The following TRMT11 variants were observed in gnomAD, a reference collection of about 807,000 sequenced individuals.
The protein encoded by TRMT11 is tRNA methyltransferase 11.
Under a neutral mutation model 62.8 loss-of-function variants are expected in TRMT11, and 53 were observed. The ratio of observed to expected loss-of-function variants is 0.84; its 90% confidence interval spans 0.68 to 1.06. The LOEUF is 1.06. TRMT11 is among the 50% of genes least tolerant of loss of function. The pLI is 0.00. For missense variants in TRMT11, 556 were observed against 553.4 expected (o/e 1.00, Z -0.05); for synonymous variants, 188 against 190.3 (o/e 0.99, Z 0.10).
At position 126,156,112 on chromosome 6, in the gene TRMT11, G is replaced by A. The variant is rs1778118402; in HGVS notation, c.*1824-18713G>A. Among the ~76,000 whole-genome samples the A allele has an allele frequency of 1.3e-5, 2 of 152,214 alleles. 1 individual carries two copies. Among genetic ancestry groups the A allele is most frequent in the Admixed American group, 1.3e-4 (2 of 15,284 alleles). ...CTAGGTCACACTGGTGCAAGGGTGG[G>A]CTCCCAAGTCCTTGGGCAGCTCTGC... On this transcript the variant is annotated intron_variant and NMD_transcript_variant, in intron 21 of 22. Transcript: ENST00000648977.
At chr6:126,059,971 T>C (rs138743180) in intron 17 of TRMT11, among the ~76,000 whole-genome samples, 1 of 152,278 alleles carries the variant, frequency 6.6e-6, no homozygotes, top group African/African-American at 2.4e-5. Context: ...TCAGAAAATT[T>C]ATCTGGAGGA....
At chr6:126,131,153 C>T (rs866717261) in intron 21 of TRMT11, among the ~76,000 whole-genome samples, 3 of 151,864 alleles carry the variant, frequency 2.0e-5, no homozygotes, top group African/African-American at 7.3e-5. Flanking sequence ...AAAAATCTAC[C>T]ACAGAAAGGA....
chr6:126,005,822 C>T (rs928693056), intron 7 of TRMT11, among the ~76,000 whole-genome samples: 4 of 151,900 alleles, frequency 2.6e-5, no homozygotes, highest in Admixed American at 6.6e-5. Flanking sequence ...ACTCTGCAGC[C>T]GTAGATCTGA....
downstream of TRMT11, among the ~76,000 whole-genome samples, chr6:126,039,702 C>A (rs1775811018): frequency 6.6e-6 from 1 of 151,968 alleles, no homozygotes; most frequent in South Asian, 2.1e-4. Flanking sequence ...ACCACTATAC[C>A]CATTAATTCA....
intron 11 of TRMT11, among the ~76,000 whole-genome samples, chr6:126,020,084 T>G (rs1795600283): frequency 6.6e-6 from 1 of 152,210 alleles, no homozygotes. Context: ...TGAAGGTCAG[T>G]GGGACCTAGA....
downstream of TRMT11, among the ~76,000 whole-genome samples, chr6:126,043,560 T>A (rs1448441364): frequency 6.6e-6 from 1 of 151,196 alleles, no homozygotes; most frequent in Non-Finnish European, 1.5e-5. Flanking sequence ...GTCCTTTGGG[T>A]ATATACCCAG....
chr6:126,253,617 C>G, the TRMT11 span, among the ~76,000 whole-genome samples: 1 of 152,206 alleles, frequency 6.6e-6, no homozygotes, highest in African/African-American at 2.4e-5. Context: ...TCACTAGTCA[C>G]TAGGCGACAG....
At chr6:126,259,280 T>A in the TRMT11 span, among the ~76,000 whole-genome samples, 23 of 152,318 alleles carry the variant, frequency 1.5e-4, no homozygotes, top group Non-Finnish European at 2.4e-4. Context: ...CACTGCAACC[T>A]CTGTCTCCTG....
chr6:126,244,219 A>G, the TRMT11 span, among the ~76,000 whole-genome samples: 1 of 152,050 alleles, frequency 6.6e-6, no homozygotes, highest in Non-Finnish European at 1.5e-5. Flanking sequence ...ATAAAGTAAC[A>G]TACAGCTAAA....
chr6:126,106,748 A>G (rs905643940), intron 17 of TRMT11, among the ~76,000 whole-genome samples: 1 of 152,162 alleles, frequency 6.6e-6, no homozygotes, highest in Non-Finnish European at 1.5e-5. Flanking sequence ...AGCTATCCAT[A>G]TAAAGAGCTT....
At chr6:126,034,277 A>G (rs1179361241) in intron 12 of TRMT11, among the ~76,000 whole-genome samples, 1 of 152,188 alleles carries the variant, frequency 6.6e-6, no homozygotes, top group East Asian at 1.9e-4. Flanking sequence ...TAAAATTTAG[A>G]TGATACTTTT....
the TRMT11 span, among the ~76,000 whole-genome samples, chr6:126,231,587 C>A: frequency 3.0e-4 from 45 of 152,236 alleles, no homozygotes; most frequent in African/African-American, 1.1e-3. Flanking sequence ...AGGGTTGGTG[C>A]CTCTAACCTT....
chr6:126,082,106 C>A, intron 17 of TRMT11, among the ~76,000 whole-genome samples: 1 of 152,042 alleles, frequency 6.6e-6, no homozygotes, highest in East Asian at 1.9e-4. Flanking sequence ...GTGGACAGTG[C>A]AATCTATCTT....
At chr6:126,262,013 G>C in the TRMT11 span, among the ~76,000 whole-genome samples, 1 of 152,230 alleles carries the variant, frequency 6.6e-6, no homozygotes, top group Non-Finnish European at 1.5e-5. Context: ...AGCGAGGTGG[G>C]AAGTCCTGTG....
At chr6:126,050,127 G>A (rs988023479) in intron 16 of TRMT11, among the ~76,000 whole-genome samples, 1 of 151,850 alleles carries the variant, frequency 6.6e-6, no homozygotes, top group African/African-American at 2.4e-5. Context: ...CCAGGAGTTC[G>A]GGACTAGCCT....
chr6:126,150,834 G>A (rs1008120983), intron 21 of TRMT11, among the ~76,000 whole-genome samples: 84 of 152,160 alleles, frequency 5.5e-4, no homozygotes, highest in African/African-American at 2.0e-3. Flanking sequence ...CACCCTTCTA[G>A]GAAGGAATGT....
At chr6:126,219,211 G>T in the TRMT11 span, among the ~76,000 whole-genome samples, 41 of 152,008 alleles carry the variant, frequency 2.7e-4, no homozygotes, top group African/African-American at 9.2e-4. Flanking sequence ...TGTTTTTTTT[G>T]TGTGTGTAGA....
the TRMT11 span, among the ~76,000 whole-genome samples, chr6:126,255,980 G>A: frequency 1.3e-5 from 2 of 152,146 alleles, no homozygotes; most frequent in Non-Finnish European, 2.9e-5. Flanking sequence ...TAGCTTGGCT[G>A]GGCAGTTCTG....
At chr6:126,225,085 T>A in the TRMT11 span, among the ~76,000 whole-genome samples, 3 of 152,150 alleles carry the variant, frequency 2.0e-5, no homozygotes, top group African/African-American at 4.8e-5. Flanking sequence ...TTTGTTCTGT[T>A]CAGGTCTGAC....
Sources: gnomAD v4.1 joint callset for allele counts (sites outside exome capture counted in the v4.1 genomes callset) on GRCh38, gnomAD v4.1.1 for gene constraint, MANE v1.5 for transcripts, NCBI Gene and HGNC (gene_info 2026-07-23, HGNC 2026-07-21) for gene names.